RARB: variants seen among roughly 807,000 people sequenced by gnomAD.
RARB encodes the protein HBV-activated protein.
RARB carries 17 observed loss-of-function variants against 51.9 expected under a neutral mutation model. The ratio of observed to expected loss-of-function variants is 0.33; its 90% CI spans 0.22 to 0.49. The LOEUF (loss-of-function observed/expected upper bound fraction) is 0.49. Among genes scored for constraint, RARB ranks in the 20% least tolerant of loss-of-function variants. The pLI, the probability that RARB is intolerant of heterozygous loss-of-function variation, is 0.99. For synonymous variants in RARB, 215 were observed against 195.4 expected (o/e 1.10, Z -0.84); for missense variants, 369 against 550.8 (o/e 0.67, Z 3.30).
At chr3:25,465,452 A>G (rs1695384445) in intron 2 of RARB, among the ~76,000 whole-genome samples, 1 of 152,206 alleles carries the variant, frequency 6.6e-6, no homozygotes, top group Non-Finnish European at 1.5e-5. Context: ...AGCCTGGTAT[A>G]TCTTCAAGAA....
chr3:25,206,341 G>A (rs915416569), intron 5 of RARB, among the ~76,000 whole-genome samples: 4 of 152,116 alleles, frequency 2.6e-5, no homozygotes, highest in South Asian at 4.1e-4. Flanking sequence ...AGGAAATCTC[G>A]AATGTTTACT....
At chr3:25,553,668 G>T (rs898654329) in intron 3 of RARB, among the ~76,000 whole-genome samples, 1 of 152,138 alleles carries the variant, frequency 6.6e-6, no homozygotes, top group African/African-American at 2.4e-5. Context: ...AAAGGCATTT[G>T]GCGTGCATCT....
chr3:25,181,617 C>A (rs1408954093), intron 5 of RARB, among the ~76,000 whole-genome samples: 1 of 152,124 alleles, frequency 6.6e-6, no homozygotes, highest in African/African-American at 2.4e-5. Flanking sequence ...CGATGTCCCA[C>A]CAGGCATTCC....
chr3:25,088,203 T>A (rs918964924), intron 3 of RARB, among the ~76,000 whole-genome samples: 1 of 152,104 alleles, frequency 6.6e-6, no homozygotes, highest in Non-Finnish European at 1.5e-5. Flanking sequence ...TTTGGTTTCA[T>A]ATTAGCTTAT....
chr3:25,552,974 T>C (rs1311237503), intron 3 of RARB, among the ~76,000 whole-genome samples: 2 of 152,188 alleles, frequency 1.3e-5, no homozygotes, highest in Non-Finnish European at 2.9e-5. Context: ...ATTAATGACA[T>C]ACCTTTTAAG....
intron 1 of RARB, among the ~76,000 whole-genome samples, chr3:25,453,330 C>T (rs1398723138): frequency 1.3e-5 from 2 of 150,162 alleles, no homozygotes; most frequent in African/African-American, 4.9e-5. Context: ...TCACTGCAAC[C>T]TCCGCCTCCC....
intron 3 of RARB, among the ~76,000 whole-genome samples, chr3:25,539,923 G>A (rs1699307269): frequency 6.6e-6 from 1 of 151,988 alleles, no homozygotes. Flanking sequence ...TCAACCAAGT[G>A]TGGATCAAAA....
chr3:25,129,821 T>C (rs971863714), intron 3 of RARB, among the ~76,000 whole-genome samples: 1 of 152,150 alleles, frequency 6.6e-6, no homozygotes, highest in Non-Finnish European at 1.5e-5. Context: ...TGGTATTAAC[T>C]ATACACCTTT....
intron 2 of RARB, among the ~76,000 whole-genome samples, chr3:24,949,354 TC>T (rs1369031276): frequency 1.3e-5 from 2 of 151,892 alleles, no homozygotes; most frequent in Admixed American, 6.6e-5. Flanking sequence ...TAATTACCCT[TC>T]CCCCCTGAAC....
intron 3 of RARB, among the ~76,000 whole-genome samples, chr3:25,084,683 T>C (rs1609936): frequency 0.7 from 106,500 of 151,564 alleles, 38,451 homozygotes; most frequent in Admixed American, 0.79. Context: ...GGATAATGTT[T>C]TGATATTATC....
At chr3:24,973,829 A>G (rs1320411484) in intron 2 of RARB, among the ~76,000 whole-genome samples, 3 of 152,012 alleles carry the variant, frequency 2.0e-5, no homozygotes, top group African/African-American at 7.2e-5. Context: ...GAATTCGTTT[A>G]TGAGCTCTAA....
intron 5 of RARB, among the ~76,000 whole-genome samples, chr3:25,347,903 T>C (rs1705442154): frequency 6.6e-6 from 1 of 152,176 alleles, no homozygotes; most frequent in African/African-American, 2.4e-5. Context: ...CCTGGTAATA[T>C]CACAGAAGAC....
intron 5 of RARB, among the ~76,000 whole-genome samples, chr3:25,273,017 C>G (rs1358687174): frequency 6.6e-6 from 1 of 152,206 alleles, no homozygotes; most frequent in Non-Finnish European, 1.5e-5. Context: ...CACATCCTAA[C>G]TCATTCATTT....
chr3:25,108,585 T>C (rs1699549366), intron 3 of RARB, among the ~76,000 whole-genome samples: 1 of 149,714 alleles, frequency 6.7e-6, no homozygotes, highest in African/African-American at 2.5e-5. Context: ...CACATCTAAC[T>C]GCCAGGAAGC....
chr3:25,529,050 G>A (rs1195163574), intron 3 of RARB, among the ~76,000 whole-genome samples: 4 of 151,912 alleles, frequency 2.6e-5, no homozygotes, highest in African/African-American at 9.7e-5. Flanking sequence ...TTTTGAGCAG[G>A]AGAGAGCTCA....
chr3:25,516,631 C>CTTTTT (rs559135603), intron 3 of RARB, among the ~76,000 whole-genome samples: 1 of 131,728 alleles, frequency 7.6e-6, no homozygotes, highest in African/African-American at 3.3e-5. Flanking sequence ...ATTTCCTTGT[C>CTTTTT]TTTTTTTTTT....
At chr3:25,131,557 G>T (rs1043025688) in intron 3 of RARB, among the ~76,000 whole-genome samples, 1 of 151,848 alleles carries the variant, frequency 6.6e-6, no homozygotes. Context: ...AACCTGTCTG[G>T]CATGCTATAA....
intron 5 of RARB, among the ~76,000 whole-genome samples, chr3:25,405,638 G>A (rs1322779550): frequency 1.3e-5 from 2 of 152,100 alleles, no homozygotes; most frequent in African/African-American, 4.8e-5. Context: ...AACCACATGT[G>A]GCAATTTAAA....
In RARB at chr3:25,404,264, C is replaced by T. The variant is rs148423339; in HGVS notation, c.179-56929C>T. ...TGGCAAAGCCCTGACGGTTTCCTTC[C>T]ACATTTCAAGGTGTTGGCTGCACTC... On this transcript the variant is annotated intron_variant, in intron 5 of 11. Coordinates refer to the RARB transcript ENST00000383772. Among the ~76,000 whole-genome samples the T allele has an allele frequency of 7.2e-4, 109 of 152,236 alleles. 3 individuals are homozygous for T. The East Asian group carries it at 0.017, about 24-fold the overall frequency.
Sources: gnomAD v4.1 joint callset for allele counts (sites outside exome capture counted in the v4.1 genomes callset) on GRCh38, gnomAD v4.1.1 for gene constraint, MANE v1.5 for transcripts, NCBI Gene and HGNC (gene_info 2026-07-23, HGNC 2026-07-21) for gene names.